The following ADGB variants were observed in gnomAD, a reference collection of about 807,000 sequenced individuals.
ADGB encodes the protein calpain-7-like protein.
A neutral mutation model predicts 210.5 loss-of-function variants in ADGB; 172 were observed. The observed-to-expected ratio is 0.82, with a 90% CI of 0.72 to 0.93. The LOEUF (loss-of-function observed/expected upper bound fraction) is 0.93, where lower values mean the gene tolerates loss of function less well. Among genes scored for constraint, ADGB ranks in the 40% least tolerant of loss-of-function variants. The pLI is 0.00. For missense variants in ADGB, 2,025 were observed against 1,964.8 expected, an observed-to-expected ratio of 1.03 and a Z score of -0.58; for synonymous variants, 658 against 662.7, an observed-to-expected ratio of 0.99 and a Z score of 0.11.
At chr6:146,669,595 G>C (rs1031763372) in intron 7 of ADGB, among the ~76,000 whole-genome samples, 1 of 151,906 alleles carries the variant, frequency 6.6e-6, no homozygotes, top group Admixed American at 6.6e-5. Flanking sequence ...TGCTTCCCTT[G>C]GTTTCCTCAG....
intron 4 of ADGB, among the ~76,000 whole-genome samples, chr6:146,654,581 G>A (rs1251534945): frequency 6.6e-6 from 1 of 151,958 alleles, no homozygotes; most frequent in Non-Finnish European, 1.5e-5. Flanking sequence ...TTGAACTCCT[G>A]GGCTCAAGCA....
At chr6:146,805,106 A>T (rs1389108288) in intron 35 of ADGB, among the ~76,000 whole-genome samples, 1 of 152,208 alleles carries the variant, frequency 6.6e-6, no homozygotes, top group East Asian at 1.9e-4. Flanking sequence ...TCTTATCAAG[A>T]TCCCCTGGCT....
At chr6:146,741,714 G>A (rs1171578743) in intron 25 of ADGB, among the ~76,000 whole-genome samples, 1 of 152,048 alleles carries the variant, frequency 6.6e-6, no homozygotes, top group African/African-American at 2.4e-5. Context: ...CTCATTTTGA[G>A]AGCTAAATAA....
chr6:146,700,918 T>C, intron 12 of ADGB, 23 bp from the exon 13 acceptor site: 1 of 1,537,938 alleles, frequency 6.5e-7, no homozygotes, highest in East Asian at 2.5e-5. Flanking sequence ...TAACAGAAGT[T>C]TGGGGTTTTG....
At chr6:146,624,489 G>T (rs370428299) in intron 1 of ADGB, among the ~76,000 whole-genome samples, 10 of 151,824 alleles carry the variant, frequency 6.6e-5, no homozygotes, top group Middle Eastern at 3.4e-3. Context: ...CTGATGAAAG[G>T]TTGTTATAAA....
chr6:146,637,647 C>A (rs1003305910), intron 2 of ADGB, among the ~76,000 whole-genome samples: 1 of 151,968 alleles, frequency 6.6e-6, no homozygotes. Flanking sequence ...AATCCTGAAA[C>A]CCAGTGTTGA....
At chr6:146,644,461 T>C (rs1046962983) in intron 2 of ADGB, among the ~76,000 whole-genome samples, 2 of 151,924 alleles carry the variant, frequency 1.3e-5, no homozygotes, top group African/African-American at 4.8e-5. Context: ...TAAATTGCTT[T>C]CCTGCCGTAT....
chr6:146,811,790 G>C (rs1468553153), intron 35 of ADGB, among the ~76,000 whole-genome samples: 2 of 152,038 alleles, frequency 1.3e-5, no homozygotes, highest in Non-Finnish European at 2.9e-5. Context: ...TCCTGCCTCA[G>C]CCTCCTGAGT....
At chr6:146,804,541 C>A in intron 35 of ADGB, among the ~76,000 whole-genome samples, 1 of 152,112 alleles carries the variant, frequency 6.6e-6, no homozygotes, top group East Asian at 1.9e-4. Context: ...GTTGCCCAAG[C>A]AGAGACTATG....
intron 12 of ADGB, 103 bp downstream of exon 12, chr6:146,693,018 A>T: frequency 3.1e-6 from 2 of 644,268 alleles, no homozygotes; most frequent in Non-Finnish European, 5.2e-6. Context: ...GAAGAATAGT[A>T]ATTTTAAAAT....
At chr6:146,732,811 C>CTTAA (rs1777014113) in intron 20 of ADGB, among the ~76,000 whole-genome samples, 1 of 152,096 alleles carries the variant, frequency 6.6e-6, no homozygotes, top group African/African-American at 2.4e-5. Context: ...ATTTAACTTG[C>CTTAA]TTAAGCAGAA....
chr6:146,734,097 T>C, intron 22 of ADGB, 67 bp downstream of exon 22: 1 of 1,478,256 alleles, frequency 6.8e-7, no homozygotes, highest in Non-Finnish European at 9.1e-7. Context: ...TGTGTGTTAA[T>C]GAAAGTATTT....
At chr6:146,656,034 CA>C (rs34817618) in intron 4 of ADGB, among the ~76,000 whole-genome samples, 1 of 151,016 alleles carries the variant, frequency 6.6e-6, no homozygotes, top group East Asian at 2.0e-4. Flanking sequence ...CTAGTCCTCA[CA>C]AAAAAAAATG....
chr6:146,807,675 C>T, intron 35 of ADGB: 1 of 1,010,598 alleles, frequency 9.9e-7, no homozygotes, highest in South Asian at 2.0e-5. Context: ...GATATTGGGC[C>T]AACTGAAAAT....
At chr6:146,692,945 T>C (rs1319196360) in intron 12 of ADGB, 30 bp downstream of exon 12, 2 of 1,249,990 alleles carry the variant, frequency 1.6e-6, no homozygotes, top group Non-Finnish European at 2.3e-6. Context: ...CTCACAAATG[T>C]GTCTTGTTAG....
intron 19 of ADGB, among the ~76,000 whole-genome samples, chr6:146,727,311 C>T (rs1253599455): frequency 6.6e-6 from 1 of 152,120 alleles, no homozygotes; most frequent in African/African-American, 2.4e-5. Flanking sequence ...TGAGCAGTGG[C>T]TGTGCAAGAG....
intron 1 of ADGB, among the ~76,000 whole-genome samples, chr6:146,611,088 G>A (rs779591003): frequency 3.1e-4 from 47 of 152,032 alleles, no homozygotes; most frequent in Non-Finnish European, 5.1e-4. Flanking sequence ...GCGGGGTTGT[G>A]GGCAGGCACA....
intron 32 of ADGB, 71 bp from the exon 33 acceptor site, chr6:146,788,318 A>C: frequency 7.4e-7 from 1 of 1,353,346 alleles, no homozygotes; most frequent in Non-Finnish European, 1.0e-6. Flanking sequence ...CCCATCATCA[A>C]GCCCTGTTAC....
chr6:146,776,746 T>C (rs186700294), intron 29 of ADGB, among the ~76,000 whole-genome samples: 13 of 152,248 alleles, frequency 8.5e-5, no homozygotes, highest in Admixed American at 8.5e-4. Flanking sequence ...TGACATTTGT[T>C]AAGCATTTAA....
Sources: gnomAD v4.1 joint callset for allele counts (sites outside exome capture counted in the v4.1 genomes callset) on GRCh38, gnomAD v4.1.1 for gene constraint, MANE v1.5 for transcripts, NCBI Gene and HGNC (gene_info 2026-07-23, HGNC 2026-07-21) for gene names.